Variants in DIXDC1 observed in about 807,000 individuals in gnomAD.
DIXDC1 encodes the protein dixin.
In DIXDC1, 64 loss-of-function variants were observed where a neutral mutation model predicts 103.1. The observed-to-expected ratio is 0.62, with a 90% confidence interval of 0.51 to 0.76. DIXDC1 has a LOEUF of 0.76. Among genes scored for constraint, DIXDC1 ranks in the 30% least tolerant of loss-of-function variants. DIXDC1 has a pLI of 0.00. For synonymous variants in DIXDC1, 266 were observed against 298.5 expected, an observed-to-expected ratio of 0.89 and a Z score of 1.12; for missense variants, 759 against 834.2, an observed-to-expected ratio of 0.91 and a Z score of 1.11.
intron 19 of DIXDC1, among the ~76,000 whole-genome samples, chr11:112,018,235 C>T (rs1341903726): frequency 6.6e-6 from 1 of 152,218 alleles, no homozygotes; most frequent in African/African-American, 2.4e-5. Context: ...GCAAAATAAA[C>T]ACGCATGGAT....
intron 1 of DIXDC1, among the ~76,000 whole-genome samples, 160 bp from the exon 2 acceptor site, chr11:111,964,389 C>A (rs932564498): frequency 2.0e-5 from 3 of 152,192 alleles, no homozygotes; most frequent in African/African-American, 7.2e-5. Context: ...TGTGTCTGAC[C>A]ATGATATAAT....
intron 1 of DIXDC1, among the ~76,000 whole-genome samples, chr11:111,939,009 C>G (rs1966319997): frequency 6.6e-6 from 1 of 152,252 alleles, no homozygotes; most frequent in Non-Finnish European, 1.5e-5. Context: ...TTCCAATATT[C>G]TGGTTCCTCT....
In DIXDC1 at chr11:111,971,156, A is replaced by G. The variant is rs1859909736; in HGVS notation, c.316+2518A>G. 3.9e-5 allele frequency among the ~76,000 whole-genome samples: 6 copies of G among 152,266 alleles called. No individual in the cohort carries two copies. The South Asian group carries it at 1.2e-3, about 31-fold the overall frequency. On this transcript the variant is annotated intron_variant, in intron 3 of 19. Transcript: ENST00000440460. ...TAATTAAACTAAAGAGCCTCTGCAT[A>G]GCAAGAGAAACTATCAGGGGAGTAA...
intron 1 of DIXDC1, among the ~76,000 whole-genome samples, chr11:111,951,474 A>G (rs1966802522): frequency 6.6e-6 from 1 of 152,212 alleles, no homozygotes; most frequent in Non-Finnish European, 1.5e-5. Flanking sequence ...GTTTTTATGA[A>G]ATGTAATATT....
At position 111,966,397 on chromosome 11, in the gene DIXDC1, A is replaced by AATT. The variant is rs1406243811; in HGVS notation, c.190+1719_190+1720insATT. 1.9e-3 allele frequency among the ~76,000 whole-genome samples: 113 copies of AATT among 58,640 alleles called. 2 individuals carry two copies. Among genetic ancestry groups the AATT allele is most frequent in the African/African-American group, 7.1e-3 (111 of 15,642 alleles). 38.5% of individuals were successfully genotyped at this position (58,640 alleles called of 152,430 possible). On this transcript the variant is annotated intron_variant, in intron 2 of 19. Transcript: ENST00000440460. ...ACCACCACGCCAAGCTAATTTTTGT[A>AATT]TTTTTTTTTTTTTTTTTTTTTTTTG...
At chr11:111,987,357 G>C (rs1360138167) in intron 9 of DIXDC1, among the ~76,000 whole-genome samples, 1 of 152,112 alleles carries the variant, frequency 6.6e-6, no homozygotes, top group Non-Finnish European at 1.5e-5. Context: ...TTGAAAGAGA[G>C]AGATACATCC....
intron 1 of DIXDC1, among the ~76,000 whole-genome samples, chr11:111,944,328 C>T (rs1966523638): frequency 1.3e-5 from 2 of 152,188 alleles, no homozygotes; most frequent in African/African-American, 4.8e-5. Context: ...AGAGTCGCCT[C>T]CTTGGCTGTT....
exon 2 of DIXDC1, chr11:111,929,841 G>T: frequency 6.5e-7 from 1 of 1,534,944 alleles, no homozygotes; most frequent in Non-Finnish European, 8.7e-7. Context: ...GTCTCTTCTA[G>T]GGACTCTTGA....
rs587662430 is a variant in DIXDC1, at chr11:111,956,576, G to A, written c.61-7973G>A. 2.0e-5 allele frequency among the ~76,000 whole-genome samples: 3 copies of A among 152,150 alleles called. No homozygotes were observed. In the East Asian group the frequency reaches 5.8e-4, roughly 29 times the overall value. On this transcript the variant is annotated intron_variant, in intron 1 of 19. Transcript: ENST00000440460. ...ACAGTTTTGGCTCACTACAACCTCC[G>A]CCTCCCAGGTTCAAGCGATTCTCCT... is the stretch of plus-strand genomic sequence containing the variant.
At chr11:111,940,593 A>G (rs1161461314) in intron 1 of DIXDC1, among the ~76,000 whole-genome samples, 1 of 152,202 alleles carries the variant, frequency 6.6e-6, no homozygotes, top group African/African-American at 2.4e-5. Flanking sequence ...GTTTTGAGCG[A>G]CTTGAGATTA....
At chr11:111,940,922 T>TA (rs1966397047) in intron 1 of DIXDC1, among the ~76,000 whole-genome samples, 2 of 152,098 alleles carry the variant, frequency 1.3e-5, no homozygotes, top group Admixed American at 1.3e-4. Context: ...TCCAATAACA[T>TA]AGAGTCTGTG....
chr11:111,937,457 C>T lies in DIXDC1; in HGVS notation c.-43C>T, dbSNP rs781923915. On this transcript the variant is annotated 5_prime_UTR_variant, in exon 1 of 20. Coordinates refer to ENST00000440460, the MANE Select transcript of DIXDC1 (RefSeq NM_001037954.4). ...GGGAGGAGGAGGAGGCGGCGGCGGC[C>T]GCCGGGCTGGAGACCCCGCCCGGGG... The T allele has an allele frequency of 3.9e-6, 6 of 1,554,448 alleles. No individual in the cohort carries two copies. Among genetic ancestry groups the T allele is most frequent in the South Asian group, 3.6e-5 (3 of 84,100 alleles).
intron 9 of DIXDC1, 174 bp from the exon 10 acceptor site, chr11:111,988,831 T>G (rs1860592745): frequency 4.3e-6 from 2 of 462,294 alleles, no homozygotes; most frequent in Admixed American, 8.4e-5. Context: ...CTCTTCTTGT[T>G]TCTGTGGATC....
chr11:112,021,866 A>T lies in DIXDC1; in HGVS notation c.*2830A>T, dbSNP rs1861770870. ...GATGGTGGCACACACCTGTAGTCCC[A>T]GCTACTCAGGAGGTTGAGGTGGGAA... is the stretch of plus-strand genomic sequence containing the variant. On this transcript the variant is annotated 3_prime_UTR_variant, in exon 20 of 20. Coordinates refer to ENST00000440460, the MANE Select transcript of DIXDC1 (RefSeq NM_001037954.4). 1 of 152,002 alleles carries T rather than the reference A, an allele frequency of 6.6e-6. No individual in the cohort carries two copies. Among genetic ancestry groups the T allele is most frequent in the Admixed American group, 6.6e-5 (1 of 15,236 alleles). The allele number at this position is 152,002 out of a possible 1,614,324, so 9.4% of individuals were successfully genotyped here.
rs1555171306 is a variant in DIXDC1 at position 111,964,538 on chromosome 11, T to G, written c.61-11T>G. On this transcript the variant is annotated splice_polypyrimidine_tract_variant and intron_variant, in intron 1 of 19. Coordinates refer to ENST00000440460, the MANE Select transcript of DIXDC1 (RefSeq NM_001037954.4). ...GCTCTCTTTCCCTTACTTATATCTT[T>G]TATTTTCCAGCAACAGCTGCAGGCC... 1 of 1,584,602 alleles carries G rather than the reference T, an allele frequency of 6.3e-7. No homozygotes were observed. Among genetic ancestry groups the G allele is most frequent in the South Asian group, 1.1e-5 (1 of 87,302 alleles).
At chr11:111,973,111 C>G (rs891924459) in intron 3 of DIXDC1, among the ~76,000 whole-genome samples, 3 of 151,726 alleles carry the variant, frequency 2.0e-5, no homozygotes, top group African/African-American at 7.3e-5. Context: ...TGGCTCACGC[C>G]TGTAATCCCA....
At position 112,022,410 on chromosome 11, in the gene DIXDC1, G is replaced by A. The variant is rs1458408202; in HGVS notation, c.*3374G>A. The A allele has an allele frequency of 6.6e-6, 1 of 152,570 alleles. No homozygotes were observed. Among genetic ancestry groups the A allele is most frequent in the African/African-American group, 2.4e-5 (1 of 41,450 alleles). The allele number at this position is 152,570 out of a possible 1,614,324, so 9.5% of individuals were successfully genotyped here. On this transcript the variant is annotated 3_prime_UTR_variant, in exon 20 of 20. Coordinates refer to ENST00000440460, the MANE Select transcript of DIXDC1 (RefSeq NM_001037954.4). This position sits in a 1 kb window ranked among gnomAD's most constrained non-coding sequence, Gnocchi z 4.9. ...GATGTTTACAGCCATTGCTTTCAAA[G>A]AGATTATTACTGTGTATTCTCCCTG...
chr11:111,927,802 G>A (rs1301011214), intron 1 of DIXDC1, among the ~76,000 whole-genome samples: 1 of 151,652 alleles, frequency 6.6e-6, no homozygotes, highest in Non-Finnish European at 1.5e-5. Context: ...GGATCACTGA[G>A]GTCTGGAGTT....
At chr11:111,989,701 A>C (rs1247973287) in intron 10 of DIXDC1, among the ~76,000 whole-genome samples, 1 of 152,110 alleles carries the variant, frequency 6.6e-6, no homozygotes, top group African/African-American at 2.4e-5. Flanking sequence ...CTAACATTCA[A>C]ATCATTTTAA....
Sources: allele counts gnomAD v4.1 joint callset (sites outside exome capture counted in the v4.1 genomes callset), GRCh38; gene constraint gnomAD v4.1.1; non-coding constraint Gnocchi (gnomAD v3.1); transcripts MANE v1.5; gene names NCBI Gene and HGNC (gene_info 2026-07-23, HGNC 2026-07-21).